BDKRB2: variants seen among roughly 807,000 people sequenced by gnomAD.
The protein encoded by BDKRB2 is bradykinin receptor B2, also known as B2 bradykinin receptor.
A neutral mutation model predicts 4.0 loss-of-function variants in BDKRB2; 6 were observed. The observed-to-expected ratio is 1.49, with a 90% CI of 0.81 to 2.93. The LOEUF (loss-of-function observed/expected upper bound fraction) is 2.93. Among genes scored for constraint, BDKRB2 ranks in the 30% most tolerant of loss-of-function variants. The probability of loss-of-function intolerance (pLI) is 0.00; values close to 1 mark genes in which losing one functional copy is unlikely to be tolerated. For synonymous variants in BDKRB2, 225 were observed against 215.3 expected (o/e 1.05, Z -0.40); for missense variants, 478 against 520.1 (o/e 0.92, Z 0.79).
At chr14:96,229,936 G>A (rs962877737) in intron 1 of BDKRB2, among the ~76,000 whole-genome samples, 1 of 152,066 alleles carries the variant, frequency 6.6e-6, no homozygotes, top group Non-Finnish European at 1.5e-5. Flanking sequence ...AGACCATCCT[G>A]GCTAACACGG....
chr14:96,223,159 G>C, intron 1 of BDKRB2: 3 of 1,202,454 alleles, frequency 2.5e-6, no homozygotes, highest in East Asian at 2.3e-5. Context: ...CGAGGAGTTT[G>C]AGTATCGACA....
At chr14:96,224,151 A>G (rs7150828) in intron 1 of BDKRB2, among the ~76,000 whole-genome samples, 84,872 of 151,426 alleles carry the variant, frequency 0.56, 25,526 homozygotes, top group Non-Finnish European at 0.69. Context: ...AGGAGGGGTA[A>G]GGTAGGTTTG....
At chr14:96,215,442 T>C (rs1890395570) in intron 1 of BDKRB2, among the ~76,000 whole-genome samples, 1 of 148,576 alleles carries the variant, frequency 6.7e-6, no homozygotes, top group African/African-American at 2.5e-5. Flanking sequence ...GCTTTTCCTG[T>C]CCTTTTGATT....
At chr14:96,211,588 G>A (rs1177522086) in intron 1 of BDKRB2, among the ~76,000 whole-genome samples, 1 of 152,194 alleles carries the variant, frequency 6.6e-6, no homozygotes, top group Non-Finnish European at 1.5e-5. Context: ...AACCTGGGGG[G>A]ACTCCTCAAA....
chr14:96,205,170 G>C (rs928330469), intron 1 of BDKRB2, among the ~76,000 whole-genome samples: 2 of 152,204 alleles, frequency 1.3e-5, no homozygotes, highest in African/African-American at 4.8e-5. Flanking sequence ...CTGTTTGTCT[G>C]TTGTAGGTTT....
At chr14:96,229,828 T>C (rs10143380) in intron 1 of BDKRB2, among the ~76,000 whole-genome samples, 5,992 of 152,022 alleles carry the variant, frequency 0.039, 341 homozygotes, top group African/African-American at 0.13. Flanking sequence ...TTAAATTAAA[T>C]TGAAAATAAA....
At chr14:96,211,412 G>A (rs1346734258) in intron 1 of BDKRB2, among the ~76,000 whole-genome samples, 1 of 152,232 alleles carries the variant, frequency 6.6e-6, no homozygotes. Flanking sequence ...GGACCTCTTG[G>A]TCTTCTTTGA....
In BDKRB2 at chr14:96,238,390, C is replaced by T. The variant is rs759995310; in HGVS notation, c.74+1209C>T. On this transcript the variant is annotated intron_variant, in intron 2 of 2. Transcript: ENST00000554311. The stretch of plus-strand genomic sequence containing the variant: ...CACCATTAGTAAGAAGTCCAGCCCA[C>T]GTCCAGGAGAAGAGGAAGCAGATTC... 125 of 901,276 alleles carry T rather than the reference C, an allele frequency of 1.4e-4. 1 individual carries two copies. The highest frequency in any genetic ancestry group is 5.6e-4 in the Middle Eastern group (1 of 1,788). 55.8% of individuals were successfully genotyped at this position (901,276 alleles called of 1,614,324 possible).
At position 96,209,590 on chromosome 14, in the gene BDKRB2, C is replaced by A. The variant is rs377483138; in HGVS notation, c.-40+4631C>A. Reference sequence around the variant, plus strand: ...GGCAAGCAGTTGCACCCCTTTGAGCCTTTTCATTAACTTCACTGAATGCAC... The same window carrying A: ...GGCAAGCAGTTGCACCCCTTTGAGCATTTTCATTAACTTCACTGAATGCAC... On this transcript the variant is annotated intron_variant, in intron 1 of 2. Transcript: ENST00000554311. 9.8e-5 allele frequency among the ~76,000 whole-genome samples: 15 copies of A among 152,302 alleles called. No individual in the cohort carries two copies. In the East Asian group the frequency reaches 2.1e-3, roughly 22 times the overall value.
Position 96,205,489 on chromosome 14 carries a change from G to A in BDKRB2, c.-40+530G>A, listed in dbSNP as rs571132031. On this transcript the variant is annotated intron_variant, in intron 1 of 2. Coordinates refer to ENST00000554311, the MANE Select transcript of BDKRB2 (RefSeq NM_001379692.1). Reference sequence around the variant, plus strand: ...CAGGGTTAAATCAGAAGCAGGCGGGGGTGGGGGGGTTTGTGAATGTTGGCT... The same window carrying A: ...CAGGGTTAAATCAGAAGCAGGCGGGAGTGGGGGGGTTTGTGAATGTTGGCT... 2.0e-5 allele frequency among the ~76,000 whole-genome samples: 3 copies of A among 152,010 alleles called. No homozygotes were observed. In the East Asian group the frequency reaches 5.9e-4, roughly 30 times the overall value.
chr14:96,206,496 A>C (rs1890182980), intron 1 of BDKRB2, among the ~76,000 whole-genome samples: 1 of 152,152 alleles, frequency 6.6e-6, no homozygotes, highest in South Asian at 2.1e-4. Flanking sequence ...GATGGATCTG[A>C]GGACTTTGAA....
Position 96,243,389 on chromosome 14 carries a change from GAGGGCTAGAACCTAGA to G in BDKRB2, c.*1899_*1914del, listed in dbSNP as rs1414199596. 8.0e-5 allele frequency: 12 copies of G among 150,806 alleles called. No individual in the cohort carries two copies. Among genetic ancestry groups the G allele is most frequent in the Non-Finnish European group, 1.5e-4 (10 of 67,972 alleles). The allele number at this position is 150,806 out of a possible 1,614,324, so 9.3% of individuals were successfully genotyped here. On this transcript the variant is annotated 3_prime_UTR_variant, in exon 3 of 3. Coordinates refer to ENST00000554311, the MANE Select transcript of BDKRB2 (RefSeq NM_001379692.1). ...CTAGAACCTGGAGGGCTAGAACCTGGAGGGCTAGAACCTAGAAGGGCTAGAACCTGGAGGGCTAGAA... is the reference window on the plus strand; with the variant it reads ...CTAGAACCTGGAGGGCTAGAACCTGGAGGGCTAGAACCTGGAGGGCTAGAA...
intron 1 of BDKRB2, among the ~76,000 whole-genome samples, chr14:96,232,531 A>G (rs1890841063): frequency 6.6e-6 from 1 of 152,226 alleles, no homozygotes; most frequent in Admixed American, 6.5e-5. Flanking sequence ...ACTTCATGTC[A>G]CCAATTTAAA....
rs28638315 is a variant in BDKRB2 at position 96,213,938 on chromosome 14, G to A, written c.-40+8979G>A. ...ATCCTGCCTCCCTACATAAGCAAAG[G>A]TCGAGAGGTGGGAACTCCCAAAGAT... is the stretch of plus-strand genomic sequence containing the variant. On this transcript the variant is annotated intron_variant, in intron 1 of 2. Coordinates refer to ENST00000554311, the MANE Select transcript of BDKRB2 (RefSeq NM_001379692.1). Among the ~76,000 whole-genome samples, 308 of 152,358 alleles carry A rather than the reference G, an allele frequency of 2.0e-3. 3 individuals are homozygous for A. Among genetic ancestry groups the A allele is most frequent in the African/African-American group, 7.1e-3 (296 of 41,592 alleles).
intron 1 of BDKRB2, among the ~76,000 whole-genome samples, chr14:96,213,321 G>T (rs1282270621): frequency 6.6e-6 from 1 of 152,170 alleles, no homozygotes; most frequent in East Asian, 1.9e-4. Context: ...GGGAGAGACA[G>T]GCAGAGACCC....
In BDKRB2 at chr14:96,237,176, T is replaced by C. The variant is rs769410781; in HGVS notation, c.69T>C (p.Ser23=). Residue 23 remains serine, a synonymous_variant, in exon 2 of 3, where the codon TCT becomes TCC. Transcript: ENST00000554311. ...AGGACTCCGTGCCCACCACGGCCTC[T>C]TTCAGGTGAGTCAAAGGGATTCCTC... ...VREDSVPTTA[S]FSADMLNVTL... 9 of 1,613,028 alleles carry C rather than the reference T, an allele frequency of 5.6e-6. 1 individual carries two copies. In the South Asian group the frequency reaches 9.9e-5, roughly 18 times the overall value.
Position 96,241,399 on chromosome 14 carries a change from G to T in BDKRB2, c.1071G>T (p.Arg357Ser). 3.1e-6 allele frequency: 5 copies of T among 1,611,886 alleles called. No individual in the cohort carries two copies. Among genetic ancestry groups the T allele is most frequent in the Non-Finnish European group, 4.2e-6 (5 of 1,179,900 alleles). Residue 357 changes from arginine to serine, a missense_variant, in exon 3 of 3, where the codon AGG (arginine) becomes AGT (serine). Physicochemically the swap from Arg to Ser is moderately radical, Grantham distance 110. Coordinates refer to ENST00000554311, the MANE Select transcript of BDKRB2 (RefSeq NM_001379692.1). The part of the protein sequence containing the change: ...YQGVCQKGGC[R>S]SEPIQMENSM... ...GAGTGTGCCAGAAAGGGGGCTGCAG[G>T]TCAGAACCCATTCAGATGGAGAACT...
At chr14:96,239,306 G>A in intron 2 of BDKRB2, 1 of 974,146 alleles carries the variant, frequency 1.0e-6, no homozygotes, top group Non-Finnish European at 1.2e-6. Flanking sequence ...CAGGATGAGA[G>A]CAATACCCTA....
intron 1 of BDKRB2, among the ~76,000 whole-genome samples, chr14:96,232,694 T>G (rs1428785744): frequency 6.6e-6 from 1 of 152,150 alleles, no homozygotes; most frequent in Non-Finnish European, 1.5e-5. Flanking sequence ...ATTACGCACA[T>G]AGAAAGGCGT....
Sources: allele counts gnomAD v4.1 joint callset (sites outside exome capture counted in the v4.1 genomes callset), GRCh38; gene constraint gnomAD v4.1.1; transcripts MANE v1.5; gene names NCBI Gene and HGNC (gene_info 2026-07-23, HGNC 2026-07-21).